The following SNX8 variants were observed in gnomAD, a reference collection of about 807,000 sequenced individuals.
SNX8 encodes sorting nexin-8.
SNX8 carries 25 observed loss-of-function variants against 51.6 expected under a neutral mutation model. The observed-to-expected ratio is 0.48, with a 90% confidence interval of 0.35 to 0.68. SNX8 has a LOEUF of 0.68. Ranked by LOEUF, SNX8 falls within the 30% of genes least tolerant of loss-of-function variation. SNX8 has a pLI of 0.00. For missense variants in SNX8, 695 were observed against 624.0 expected (o/e 1.11, Z -1.21); for synonymous variants, 324 against 277.0 (o/e 1.17, Z -1.68).
chr7:2,269,690 G>C (rs765569598), intron 4 of SNX8, 51 bp from the exon 5 acceptor site: 18 of 1,291,032 alleles, frequency 1.4e-5, no homozygotes, highest in Non-Finnish European at 1.9e-5. Context: ...CAGCAAGAAA[G>C]CTGCTGTGGG....
chr7:2,298,101 C>T (rs1796312534), intron 1 of SNX8, among the ~76,000 whole-genome samples: 1 of 151,692 alleles, frequency 6.6e-6, no homozygotes, highest in African/African-American at 2.4e-5. Context: ...GTGCCCAGGG[C>T]CCAAGCTTTT....
At chr7:2,311,675 C>T (rs1163190810) in intron 1 of SNX8, among the ~76,000 whole-genome samples, 1 of 152,268 alleles carries the variant, frequency 6.6e-6, no homozygotes, top group African/African-American at 2.4e-5. Flanking sequence ...CGGTGGCTCA[C>T]GCCTGTAATC....
At chr7:2,276,548 A>C (rs1769833855) in intron 2 of SNX8, among the ~76,000 whole-genome samples, 1 of 151,290 alleles carries the variant, frequency 6.6e-6, no homozygotes, top group Admixed American at 6.6e-5. Flanking sequence ...CATGCCTGTG[A>C]GCCTAGCACT....
chr7:2,306,203 G>A lies in SNX8; in HGVS notation c.94+8125C>T, dbSNP rs1375344367. On this transcript the variant is annotated intron_variant, in intron 1 of 10. Coordinates refer to ENST00000222990, the MANE Select transcript of SNX8 (RefSeq NM_013321.4). ...GTCGCCCAGGCTGGAGTGCAGTGGC[G>A]CGATCTCAGCTCACTGCAACCTCGA... Among the ~76,000 whole-genome samples, 8 of 151,962 alleles carry A rather than the reference G, an allele frequency of 5.3e-5. 1 individual carries two copies. Among genetic ancestry groups the A allele is most frequent in the African/African-American group, 1.9e-4 (8 of 41,382 alleles).
Position 2,263,267 on chromosome 7 carries a change from A to G in SNX8, c.878T>C (p.Val293Ala). The change falls in exon 7 of 11, where the codon GTG becomes GCG. Residue 293 changes from valine to alanine, a missense_variant. By Grantham distance (64) the Val-to-Ala change is moderately conservative. Coordinates refer to ENST00000222990, the MANE Select transcript of SNX8 (RefSeq NM_013321.4). ...CTTGTCGGCGAGCAGCGCGAATTCC[A>G]CAGACAGGCCTTTCAGAGCCTGCTT... The part of the protein sequence containing the change: ...SLKQALKGLS[V>A]EFALLADKAA... The G allele has an allele frequency of 6.2e-7, 1 of 1,613,944 alleles. No homozygotes were observed. Among genetic ancestry groups the G allele is most frequent in the Non-Finnish European group, 8.5e-7 (1 of 1,180,014 alleles).
chr7:2,345,087 C>T (rs1265605269), intron 1 of SNX8, among the ~76,000 whole-genome samples: 1 of 151,956 alleles, frequency 6.6e-6, no homozygotes, highest in Non-Finnish European at 1.5e-5. Flanking sequence ...ATCCTGTGAC[C>T]CGCAAATCCT....
chr7:2,295,052 A>C (rs1796239946), intron 1 of SNX8, among the ~76,000 whole-genome samples: 3 of 151,966 alleles, frequency 2.0e-5, no homozygotes, highest in Admixed American at 1.3e-4. Context: ...AAATAAATAA[A>C]ATAAAATAAT....
At chr7:2,255,462 C>T (rs1229722902) in intron 10 of SNX8, among the ~76,000 whole-genome samples, 3 of 152,246 alleles carry the variant, frequency 2.0e-5, no homozygotes, top group Non-Finnish European at 2.9e-5. Context: ...ACGTTACTAT[C>T]GCGTCACTGC....
At chr7:2,351,809 C>T (rs967509299) in intron 1 of SNX8, among the ~76,000 whole-genome samples, 6 of 149,028 alleles carry the variant, frequency 4.0e-5, no homozygotes, top group Non-Finnish European at 5.9e-5. Flanking sequence ...CCAGCCTGGG[C>T]GACAGAGTGA....
chr7:2,285,313 C>T (rs1193662501), intron 1 of SNX8, among the ~76,000 whole-genome samples: 2 of 152,060 alleles, frequency 1.3e-5, no homozygotes, highest in African/African-American at 2.4e-5. Context: ...TGCTTGAACC[C>T]GGGAGGCAGA....
At position 2,271,946 on chromosome 7, in the gene SNX8, C is replaced by T. The variant is rs767738091; in HGVS notation, c.444G>A (p.Arg148=). ...LGADREFIEA[R]RRALKRFVNL... ...TGACGAAGCGCTTCAGGGCTCTCCTCCTGGCCTCGATGAACTCCCTGTCAG... is the reference window on the plus strand; with the variant it reads ...TGACGAAGCGCTTCAGGGCTCTCCTTCTGGCCTCGATGAACTCCCTGTCAG... The change falls in exon 4 of 11, where the codon AGG becomes AGA. Residue 148 remains arginine (R), a synonymous_variant. Coordinates refer to ENST00000222990, the MANE Select transcript of SNX8 (RefSeq NM_013321.4). 2 of 1,614,130 alleles carry T rather than the reference C, an allele frequency of 1.2e-6. No individual in the cohort carries two copies. The highest frequency in any genetic ancestry group is 1.7e-6 in the Non-Finnish European group (2 of 1,180,028).
intron 8 of SNX8, 29 bp from the exon 9 acceptor site, chr7:2,257,543 C>A (rs770860286): frequency 1.3e-6 from 2 of 1,599,616 alleles, no homozygotes; most frequent in South Asian, 2.2e-5. Flanking sequence ...CATTCGCCCG[C>A]TGTCTGGATG....
chr7:2,311,664 G>A (rs945440374), intron 1 of SNX8, among the ~76,000 whole-genome samples: 4 of 152,014 alleles, frequency 2.6e-5, no homozygotes, highest in Non-Finnish European at 4.4e-5. Flanking sequence ...GAGGCCGGGC[G>A]CGGTGGCTCA....
In SNX8 at chr7:2,335,669, G is replaced by A. The variant is rs551613946; in HGVS notation, c.-66+18553C>T. On this transcript the variant is annotated intron_variant, in intron 1 of 5. Coordinates refer to the SNX8 transcript ENST00000435336. Reference sequence around the variant, plus strand: ...TAGAAAAAAATTAGCTGGGCGTGGTGGCAGGCGCCTGTAGTCCCAGCCACT... The same window carrying A: ...TAGAAAAAAATTAGCTGGGCGTGGTAGCAGGCGCCTGTAGTCCCAGCCACT... Among the ~76,000 whole-genome samples the A allele has an allele frequency of 2.6e-5, 4 of 151,990 alleles. No individual in the cohort carries two copies. The South Asian group carries it at 8.3e-4, about 32-fold the overall frequency.
Position 2,254,829 on chromosome 7 carries a change from T to C in SNX8, c.*227A>G, listed in dbSNP as rs2115082399. ...AACCATTCCAGAGAACCCCACCACC[T>C]CTCTCGACCAGGCTAGCAGGCCACA... On this transcript the variant is annotated 3_prime_UTR_variant, in exon 11 of 11. Coordinates refer to ENST00000222990, the MANE Select transcript of SNX8 (RefSeq NM_013321.4). The C allele has an allele frequency of 1.7e-6, 1 of 577,492 alleles. No individual in the cohort carries two copies. The highest frequency in any genetic ancestry group is 3.1e-6 in the Non-Finnish European group (1 of 323,224). The allele number at this position is 577,492 out of a possible 1,614,324, so 35.8% of individuals were successfully genotyped here.
At chr7:2,273,852 C>T (rs1375960881) in intron 3 of SNX8, among the ~76,000 whole-genome samples, 1 of 151,294 alleles carries the variant, frequency 6.6e-6, no homozygotes, top group Non-Finnish European at 1.5e-5. Flanking sequence ...TGCCATGAGC[C>T]GAGATTGCAC....
At position 2,252,275 on chromosome 7, in the gene SNX8, G is replaced by A. The variant is rs62442512; in HGVS notation, c.*2781C>T. 24,549 of 152,148 alleles carry A rather than the reference G, an allele frequency of 0.16. 2,050 individuals carry two copies. Among genetic ancestry groups the A allele is most frequent in the Middle Eastern group, 0.23 (68 of 296 alleles). 9.4% of individuals were successfully genotyped at this position (152,148 alleles called of 1,614,324 possible). A position where few individuals can be genotyped will look rare whatever the true frequency, so the allele number is the denominator to read the frequency against. On this transcript the variant is annotated 3_prime_UTR_variant, in exon 11 of 11. Transcript: ENST00000222990. ...ACCGGCACAAGCTTGGGCTTGGGCC[G>A]TGGGCAGCAGGAGGGCTGGAGAGGC...
chr7:2,271,841 C>G lies in SNX8; in HGVS notation c.540+9G>C. 1 of 1,597,192 alleles carries G rather than the reference C, an allele frequency of 6.3e-7. No homozygotes were observed. Among genetic ancestry groups the G allele is most frequent in the Non-Finnish European group, 8.5e-7 (1 of 1,172,324 alleles). ...GGGGCCGGGACATGGGCAGGGCAGA[C>G]ACACTCACCGAGCCGCTGAAGGACA... On this transcript the variant is annotated intron_variant, in intron 4 of 10. Coordinates refer to ENST00000222990, the MANE Select transcript of SNX8 (RefSeq NM_013321.4).
chr7:2,281,587 C>T (rs981482114), intron 1 of SNX8, among the ~76,000 whole-genome samples: 1 of 152,058 alleles, frequency 6.6e-6, no homozygotes, highest in African/African-American at 2.4e-5. Context: ...CAAACTGACA[C>T]CCCTTGAAGC....
Sources: allele counts gnomAD v4.1 joint callset (sites outside exome capture counted in the v4.1 genomes callset), GRCh38; gene constraint gnomAD v4.1.1; transcripts MANE v1.5; gene names NCBI Gene and HGNC (gene_info 2026-07-23, HGNC 2026-07-21).